POLR2F: variants seen among roughly 807,000 people sequenced by gnomAD.
The protein encoded by POLR2F is RNA polymerase II, I and III subunit F, also known as DNA-directed RNA polymerases I, II, and III subunit RPABC2.
Under a neutral mutation model 22.7 loss-of-function variants are expected in POLR2F, and 12 were observed. The observed-to-expected ratio is 0.53, with a 90% CI of 0.34 to 0.86. The LOEUF is 0.86. POLR2F is among the 40% of genes least tolerant of loss of function. The pLI is 0.02. For synonymous variants in POLR2F, 57 were observed against 66.0 expected (o/e 0.86, Z 0.66); for missense variants, 126 against 171.5 (o/e 0.73, Z 1.48).
chr22:37,988,826 C>T (rs1932659124), intron 1 of POLR2F: 1 of 154,302 alleles, frequency 6.5e-6, no homozygotes, highest in South Asian at 2.0e-4. Flanking sequence ...CCAAAATCAC[C>T]AGGGATGGAG....
intron 1 of POLR2F, among the ~76,000 whole-genome samples, chr22:38,011,047 T>G (rs960026944): frequency 1.3e-5 from 2 of 152,216 alleles, no homozygotes; most frequent in Non-Finnish European, 2.9e-5. Context: ...AAATTCTATC[T>G]CCTATATTTT....
chr22:37,971,310 A>C, downstream of POLR2F: 1 of 471,056 alleles, frequency 2.1e-6, no homozygotes, highest in Non-Finnish European at 4.4e-6. Context: ...TGGAAAATTG[A>C]GATAACGATC....
At chr22:38,008,576 C>T (rs1338097551) in intron 1 of POLR2F, among the ~76,000 whole-genome samples, 3 of 141,652 alleles carry the variant, frequency 2.1e-5, no homozygotes, top group Non-Finnish European at 4.6e-5. Flanking sequence ...ACAACAACAA[C>T]AAAACATTAA....
chr22:37,965,711 T>C (rs1458352103), intron 3 of POLR2F, among the ~76,000 whole-genome samples: 2 of 152,204 alleles, frequency 1.3e-5, no homozygotes, highest in Non-Finnish European at 2.9e-5. Context: ...TATTTAGTAA[T>C]AAAATTAGTA....
intron 3 of POLR2F, among the ~76,000 whole-genome samples, chr22:37,960,929 A>G (rs1321715608): frequency 6.6e-6 from 1 of 150,798 alleles, no homozygotes; most frequent in Non-Finnish European, 1.5e-5. Context: ...GTTCACTGCA[A>G]TATCCACCTC....
intron 1 of POLR2F, among the ~76,000 whole-genome samples, chr22:37,990,096 C>T (rs562052399): frequency 6.6e-6 from 1 of 152,300 alleles, no homozygotes; most frequent in East Asian, 1.9e-4. Flanking sequence ...TGCTCAGCCT[C>T]GGCTCACCTT....
At chr22:37,996,985 C>G (rs977688391) in intron 1 of POLR2F, among the ~76,000 whole-genome samples, 1 of 152,184 alleles carries the variant, frequency 6.6e-6, no homozygotes, top group African/African-American at 2.4e-5. Context: ...CACCCCACTC[C>G]TGTGTCCTAC....
In POLR2F at chr22:37,980,151, C is replaced by T. The variant is rs766260152; in HGVS notation, c.293+12981C>T. Among the ~76,000 whole-genome samples the T allele has an allele frequency of 5.9e-5, 9 of 152,092 alleles. No individual in the cohort carries two copies. Among genetic ancestry groups the T allele is most frequent in the Admixed American group, 2.0e-4 (3 of 15,274 alleles). ...GTGTACACACTTAGGACAAAGATGC[C>T]GGAGCAGGGCCTTGAGAGTCAGGGA... On this transcript the variant is annotated intron_variant, in intron 4 of 4. Transcript: ENST00000405557. The surrounding 1 kb of genome is among the most constrained non-coding windows in gnomAD (Gnocchi z 4.1).
At chr22:37,954,996 G>A (rs1237751102) in intron 1 of POLR2F, among the ~76,000 whole-genome samples, 3 of 151,998 alleles carry the variant, frequency 2.0e-5, no homozygotes, top group Non-Finnish European at 4.4e-5. Context: ...AAGGAGAGTT[G>A]GCCATTGGAT....
intron 5 of POLR2F, among the ~76,000 whole-genome samples, chr22:38,034,785 A>G (rs554720120): frequency 2.6e-5 from 4 of 152,348 alleles, no homozygotes; most frequent in African/African-American, 9.6e-5. Context: ...GCAGAGACAC[A>G]GAGCGCACTG....
At chr22:37,996,998 G>T (rs1214881813) in intron 1 of POLR2F, among the ~76,000 whole-genome samples, 1 of 152,116 alleles carries the variant, frequency 6.6e-6, no homozygotes, top group Non-Finnish European at 1.5e-5. Flanking sequence ...TGTCCTACTC[G>T]GGAAGGCAAG....
intron 5 of POLR2F, among the ~76,000 whole-genome samples, chr22:38,036,238 A>G (rs2085115167): frequency 6.6e-6 from 1 of 151,046 alleles, no homozygotes; most frequent in Admixed American, 6.6e-5. Flanking sequence ...CAGCCTCCCA[A>G]AGTGCTGGGA....
Position 37,968,638 on chromosome 22 carries a change from C to T in POLR2F, c.*923C>T. The T allele has an allele frequency of 1.0e-6, 1 of 985,520 alleles. No homozygotes were observed. The allele number at this position is 985,520 out of a possible 1,614,324, so 61.0% of individuals were successfully genotyped here. Reference sequence around the variant, plus strand: ...GGTAAGACCAGTCACACTGGCTCCTCCCTCCTAGAGGGGGTCAGGGGGAGG... The same window carrying T: ...GGTAAGACCAGTCACACTGGCTCCTTCCTCCTAGAGGGGGTCAGGGGGAGG... On this transcript the variant is annotated 3_prime_UTR_variant, in exon 5 of 5. Coordinates refer to ENST00000442738, the MANE Select transcript of POLR2F (RefSeq NM_021974.5).
At chr22:37,958,969 G>A (rs1415482046) in intron 2 of POLR2F, among the ~76,000 whole-genome samples, 1 of 152,130 alleles carries the variant, frequency 6.6e-6, no homozygotes, top group African/African-American at 2.4e-5. Flanking sequence ...ACTATTCCTA[G>A]CTTCCTGCTT....
chr22:38,021,725 G>C (rs989427731), intron 1 of POLR2F, among the ~76,000 whole-genome samples: 1 of 151,862 alleles, frequency 6.6e-6, no homozygotes, highest in East Asian at 1.9e-4. Flanking sequence ...CCAAAGTACC[G>C]GGATTACAGG....
At chr22:37,996,895 C>T (rs181279814) in intron 1 of POLR2F, among the ~76,000 whole-genome samples, 35 of 152,306 alleles carry the variant, frequency 2.3e-4, no homozygotes, top group African/African-American at 7.5e-4. Flanking sequence ...GCGATTACGA[C>T]GCACCTGGTG....
chr22:38,039,058 G>C (rs919310971), intron 5 of POLR2F, among the ~76,000 whole-genome samples: 1 of 152,206 alleles, frequency 6.6e-6, no homozygotes, highest in Admixed American at 6.5e-5. Context: ...TGGGACAAGA[G>C]GCAGCCCTCC....
At chr22:37,973,783 G>A (rs1932133972), downstream of POLR2F, 1 of 1,595,572 alleles carries the variant, frequency 6.3e-7, no homozygotes, top group Non-Finnish European at 8.6e-7. Context: ...TGGATGGCTG[G>A]TCGGTGTAGT....
At chr22:37,967,457 A>G in intron 4 of POLR2F, 168 bp from the exon 5 acceptor site, 1 of 1,437,044 alleles carries the variant, frequency 7.0e-7, no homozygotes, top group Non-Finnish European at 9.1e-7. Flanking sequence ...TGTCTGATAT[A>G]AAAACTTTCT....
Sources: allele counts gnomAD v4.1 joint callset (sites outside exome capture counted in the v4.1 genomes callset), GRCh38; gene constraint gnomAD v4.1.1; non-coding constraint Gnocchi (gnomAD v3.1); transcripts MANE v1.5; gene names NCBI Gene and HGNC (gene_info 2026-07-23, HGNC 2026-07-21).